The following NEDD9 variants were observed in gnomAD, a reference collection of about 807,000 sequenced individuals.
NEDD9 encodes the protein enhancer of filamentation 1.
A neutral mutation model predicts 76.6 loss-of-function variants in NEDD9; 26 were observed. The observed-to-expected ratio is 0.34, with a 90% CI of 0.25 to 0.47. The LOEUF (loss-of-function observed/expected upper bound fraction) is 0.47. NEDD9 is among the 20% of genes least tolerant of loss of function. NEDD9 has a pLI of 1.00. For synonymous variants in NEDD9, 392 were observed against 414.2 expected, an observed-to-expected ratio of 0.95 and a Z score of 0.65; for missense variants, 937 against 1,058.5, an observed-to-expected ratio of 0.89 and a Z score of 1.59.
At chr6:11,194,192 A>G (rs892776626) in intron 2 of NEDD9, among the ~76,000 whole-genome samples, 2 of 152,100 alleles carry the variant, frequency 1.3e-5, no homozygotes, top group South Asian at 4.1e-4. Context: ...TTGAATCCCA[A>G]TGAGAAAAAA....
At chr6:11,294,849 G>T (rs931714664) in intron 3 of NEDD9, among the ~76,000 whole-genome samples, 57 of 152,146 alleles carry the variant, frequency 3.7e-4, no homozygotes, top group Admixed American at 3.7e-3. Flanking sequence ...ATCTTGAATT[G>T]TATCTCCCAT....
chr6:11,337,802 C>T lies in NEDD9; in HGVS notation c.-213-3241G>A, dbSNP rs78539945. 9.6e-3 allele frequency among the ~76,000 whole-genome samples: 1,466 copies of T among 152,230 alleles called. 25 individuals are homozygous for T. Among genetic ancestry groups the T allele is most frequent in the African/African-American group, 0.033 (1,390 of 41,532 alleles). On this transcript the variant is annotated intron_variant, in intron 1 of 3. Coordinates refer to the NEDD9 transcript ENST00000397378. ...TCTGAGTTTTGTTTCATGGATTTATCGCTCCAACAAGCTGTTGTTCTTAGT... is the reference window on the plus strand; with the variant it reads ...TCTGAGTTTTGTTTCATGGATTTATTGCTCCAACAAGCTGTTGTTCTTAGT...
intron 1 of NEDD9, among the ~76,000 whole-genome samples, chr6:11,336,580 T>C (rs1392219035): frequency 6.6e-6 from 1 of 152,198 alleles, no homozygotes; most frequent in African/African-American, 2.4e-5. Flanking sequence ...GGACTGGAAA[T>C]TGCTCTGGGT....
rs533587847 is a variant in NEDD9, at chr6:11,229,855, G to A, written c.12+2649C>T. 3.3e-5 allele frequency among the ~76,000 whole-genome samples: 5 copies of A among 152,340 alleles called. No homozygotes were observed. The South Asian group carries it at 1.0e-3, about 32-fold the overall frequency. On this transcript the variant is annotated intron_variant, in intron 1 of 6. Coordinates refer to ENST00000379446, the MANE Select transcript of NEDD9 (RefSeq NM_006403.4). The stretch of plus-strand genomic sequence containing the variant: ...TCCACAGTTCTCAGGATTACTGCAA[G>A]TACCTTGCTGCCTGGCCTGAAGCTA...
intron 3 of NEDD9, among the ~76,000 whole-genome samples, chr6:11,240,934 G>A (rs551885096): frequency 3.9e-4 from 60 of 152,328 alleles, no homozygotes; most frequent in Non-Finnish European, 7.5e-4. Context: ...GAGTTTAATA[G>A]TAAAATTGTG....
chr6:11,319,323 ACT>A (rs1267801042), intron 2 of NEDD9, among the ~76,000 whole-genome samples: 2 of 152,078 alleles, frequency 1.3e-5, no homozygotes, highest in African/African-American at 2.4e-5. Context: ...GTGCACTCAC[ACT>A]CTCACACACC....
chr6:11,188,079 C>A, intron 6 of NEDD9, 139 bp downstream of exon 6: 1 of 703,648 alleles, frequency 1.4e-6, no homozygotes, highest in South Asian at 1.8e-5. Context: ...GCTTTTAAAC[C>A]CCATTCCGTG....
chr6:11,303,766 G>T (rs139489367), intron 3 of NEDD9, among the ~76,000 whole-genome samples: 448 of 152,274 alleles, frequency 2.9e-3, no homozygotes, highest in Non-Finnish European at 5.2e-3. Context: ...TATGTAGAAA[G>T]CTGAAACTGG....
intron 3 of NEDD9, among the ~76,000 whole-genome samples, chr6:11,279,197 A>G (rs1326575864): frequency 6.6e-6 from 1 of 152,256 alleles, no homozygotes; most frequent in East Asian, 1.9e-4. Flanking sequence ...CACTTAAAAT[A>G]TGATATTTCC....
chr6:11,284,383 G>A (rs1011817824), intron 3 of NEDD9, among the ~76,000 whole-genome samples: 15 of 130,562 alleles, frequency 1.1e-4, no homozygotes, highest in East Asian at 1.1e-3. Context: ...GTGAAACCCC[G>A]TCTCTACTAA....
intron 3 of NEDD9, among the ~76,000 whole-genome samples, chr6:11,295,183 C>A (rs151125691): frequency 2.6e-5 from 4 of 152,280 alleles, no homozygotes; most frequent in East Asian, 1.9e-4. Flanking sequence ...AGTGATATTG[C>A]ACACCTTTGT....
chr6:11,341,811 G>A (rs1382580569), intron 1 of NEDD9, among the ~76,000 whole-genome samples: 1 of 152,164 alleles, frequency 6.6e-6, no homozygotes, highest in Non-Finnish European at 1.5e-5. Context: ...CCATACAAGG[G>A]TAGTGTAATC....
intron 1 of NEDD9, among the ~76,000 whole-genome samples, chr6:11,339,883 A>G (rs953969014): frequency 6.6e-6 from 1 of 152,246 alleles, no homozygotes; most frequent in Non-Finnish European, 1.5e-5. Context: ...TCCAAAAATA[A>G]GTTAATAAAG....
intron 3 of NEDD9, 159 bp from the exon 4 acceptor site, chr6:11,192,605 T>TTTA (rs1554123931): frequency 2.6e-5 from 15 of 568,842 alleles, no homozygotes; most frequent in African/African-American, 1.4e-4. Context: ...CCTTTTTTTT[T>TTTA]AATACATTTT....
chr6:11,195,458 GT>G (rs58470402), intron 2 of NEDD9, among the ~76,000 whole-genome samples: 70,894 of 147,846 alleles, frequency 0.48, 16,919 homozygotes, highest in South Asian at 0.63. Flanking sequence ...TTATATGATT[GT>G]TTTTTTTTTT....
At chr6:11,327,869 G>C (rs981345911) in intron 2 of NEDD9, among the ~76,000 whole-genome samples, 1 of 152,220 alleles carries the variant, frequency 6.6e-6, no homozygotes, top group Admixed American at 6.5e-5. Flanking sequence ...AGAATTCTTA[G>C]GGTGTATTCA....
At chr6:11,265,385 G>A (rs1015254955) in intron 3 of NEDD9, among the ~76,000 whole-genome samples, 1 of 152,100 alleles carries the variant, frequency 6.6e-6, no homozygotes, top group African/African-American at 2.4e-5. Flanking sequence ...TTTTTTTCTG[G>A]TTTTCTCGAT....
At chr6:11,222,220 C>G (rs1759163904) in intron 1 of NEDD9, among the ~76,000 whole-genome samples, 1 of 152,212 alleles carries the variant, frequency 6.6e-6, no homozygotes, top group Admixed American at 6.5e-5. Context: ...CATACACATC[C>G]TGGCAACTGT....
chr6:11,270,099 A>C (rs1466389892), intron 3 of NEDD9, among the ~76,000 whole-genome samples: 2 of 152,262 alleles, frequency 1.3e-5, no homozygotes, highest in Non-Finnish European at 2.9e-5. Context: ...ACTGCACTCC[A>C]GTCTGGGCAA....
Sources: allele counts gnomAD v4.1 joint callset (sites outside exome capture counted in the v4.1 genomes callset), GRCh38; gene constraint gnomAD v4.1.1; transcripts MANE v1.5; gene names NCBI Gene and HGNC (gene_info 2026-07-23, HGNC 2026-07-21).